The following SHISA6 variants were observed in gnomAD, a reference collection of about 807,000 sequenced individuals.
SHISA6 encodes the protein protein shisa-6.
SHISA6 carries 22 observed loss-of-function variants against 47.9 expected under a neutral mutation model. The observed-to-expected ratio is 0.46, with a 90% confidence interval of 0.33 to 0.66. The LOEUF (loss-of-function observed/expected upper bound fraction) is 0.66. Among genes scored for constraint, SHISA6 ranks in the 30% least tolerant of loss-of-function variants. The pLI, the probability that SHISA6 is intolerant of heterozygous loss-of-function variation, is 0.02. For synonymous variants in SHISA6, 388 were observed against 337.8 expected (o/e 1.15, Z -1.63); for missense variants, 680 against 764.6 (o/e 0.89, Z 1.30).
At chr17:11,422,122 G>A (rs1272603543) in intron 3 of SHISA6, among the ~76,000 whole-genome samples, 1 of 152,192 alleles carries the variant, frequency 6.6e-6, no homozygotes, top group Admixed American at 6.5e-5. Context: ...CAGATCCCAG[G>A]ATAGTAAGGC....
intron 3 of SHISA6, among the ~76,000 whole-genome samples, chr17:11,508,849 G>A (rs2071521135): frequency 7.2e-6 from 1 of 138,308 alleles, no homozygotes; most frequent in Non-Finnish European, 1.6e-5. Context: ...TCTACCAGTG[G>A]CAACCAATGA....
At chr17:11,491,668 G>C (rs1248969268) in intron 3 of SHISA6, among the ~76,000 whole-genome samples, 1 of 151,996 alleles carries the variant, frequency 6.6e-6, no homozygotes, top group Non-Finnish European at 1.5e-5. Flanking sequence ...AAAAGGCCTG[G>C]AAGAGCCCAT....
chr17:11,339,015 A>G (rs1465799277), intron 2 of SHISA6, among the ~76,000 whole-genome samples: 2 of 152,060 alleles, frequency 1.3e-5, no homozygotes, highest in Non-Finnish European at 1.5e-5. Flanking sequence ...GGAGTGTTCT[A>G]TGTGCCCAGC....
At chr17:11,327,464 A>T (rs1158565576) in intron 2 of SHISA6, among the ~76,000 whole-genome samples, 2 of 152,232 alleles carry the variant, frequency 1.3e-5, no homozygotes, top group African/African-American at 2.4e-5. Context: ...AAAGAAAAGC[A>T]TCTCTATCTA....
rs376694345 is a variant in SHISA6 at position 11,424,742 on chromosome 17, G to A, written c.895+45233G>A. ...AAACAGGCCAGGCAGGGTGGCTCAC[G>A]CCTGTAATCCCAGCACTTTGGGAGG... On this transcript the variant is annotated intron_variant, in intron 3 of 5. Transcript: ENST00000441885. Among the ~76,000 whole-genome samples, 7 of 151,972 alleles carry A rather than the reference G, an allele frequency of 4.6e-5. 1 individual carries two copies. Among genetic ancestry groups the A allele is most frequent in the East Asian group, 3.9e-4 (2 of 5,156 alleles).
At chr17:11,315,228 G>A (rs1192420240) in intron 2 of SHISA6, among the ~76,000 whole-genome samples, 1 of 152,032 alleles carries the variant, frequency 6.6e-6, no homozygotes, top group African/African-American at 2.4e-5. Context: ...TTAAATAAAT[G>A]GAGTTATTTT....
At chr17:11,549,943 C>T (rs189453113) in intron 3 of SHISA6, among the ~76,000 whole-genome samples, 1 of 152,142 alleles carries the variant, frequency 6.6e-6, no homozygotes, top group Admixed American at 6.5e-5. Flanking sequence ...CAATCTTTGG[C>T]AAACAGTTTC....
intron 2 of SHISA6, among the ~76,000 whole-genome samples, chr17:11,271,596 C>T (rs970214296): frequency 6.9e-6 from 1 of 145,862 alleles, no homozygotes; most frequent in African/African-American, 2.6e-5. Flanking sequence ...CACCACCACG[C>T]CTGGCTTTTT....
chr17:11,257,310 G>A (rs1003706995), intron 1 of SHISA6, among the ~76,000 whole-genome samples: 1 of 152,192 alleles, frequency 6.6e-6, no homozygotes, highest in Non-Finnish European at 1.5e-5. Context: ...TGTCCAGTAG[G>A]TAAGTGTGAG....
intron 3 of SHISA6, among the ~76,000 whole-genome samples, chr17:11,455,717 GA>G (rs1193334898): frequency 1.3e-4 from 20 of 152,294 alleles, no homozygotes; most frequent in Non-Finnish European, 1.5e-4. Flanking sequence ...AACCATGGGA[GA>G]GGGGTCACAT....
chr17:11,397,003 G>C (rs1428605018), intron 3 of SHISA6, among the ~76,000 whole-genome samples: 1 of 152,088 alleles, frequency 6.6e-6, no homozygotes, highest in Non-Finnish European at 1.5e-5. Flanking sequence ...GGCTGGAAAC[G>C]GTTCTCCTAT....
intron 3 of SHISA6, among the ~76,000 whole-genome samples, chr17:11,447,356 A>G (rs1915265169): frequency 6.6e-6 from 1 of 152,200 alleles, no homozygotes; most frequent in Admixed American, 6.5e-5. Context: ...TTCCCAAAAT[A>G]CTATGGGGAA....
intron 3 of SHISA6, among the ~76,000 whole-genome samples, chr17:11,404,236 C>T (rs966452785): frequency 2.6e-5 from 4 of 152,168 alleles, no homozygotes; most frequent in African/African-American, 7.2e-5. Flanking sequence ...TTTATTCATT[C>T]GTTCAATCTG....
chr17:11,512,423 C>T (rs2071548656), intron 3 of SHISA6, among the ~76,000 whole-genome samples: 1 of 152,222 alleles, frequency 6.6e-6, no homozygotes, highest in African/African-American at 2.4e-5. Flanking sequence ...CTTCCACTCT[C>T]TGTGGTGAAT....
In SHISA6 at chr17:11,562,710, G is replaced by A. The variant is rs191494795; in HGVS notation, c.*4406G>A. 7.9e-5 allele frequency: 12 copies of A among 152,398 alleles called. No homozygotes were observed. Among genetic ancestry groups the A allele is most frequent in the African/African-American group, 2.9e-4 (12 of 41,556 alleles). The allele number at this position is 152,398 out of a possible 1,614,324, so 9.4% of individuals were successfully genotyped here. ...GTAAAATGAGGGGCTTTGACTAGAT[G>A]AGCTCTGAAGTTTCATCCAGCTCTT... is the stretch of plus-strand genomic sequence containing the variant. On this transcript the variant is annotated 3_prime_UTR_variant, in exon 6 of 6. Transcript: ENST00000441885.
At chr17:11,371,432 A>C (rs574036642) in intron 2 of SHISA6, among the ~76,000 whole-genome samples, 1 of 152,300 alleles carries the variant, frequency 6.6e-6, no homozygotes, top group Non-Finnish European at 1.5e-5. Flanking sequence ...ATGCAAGGTA[A>C]GAGGACCCCA....
chr17:11,305,234 A>G (rs1216342387), intron 2 of SHISA6, among the ~76,000 whole-genome samples: 1 of 152,252 alleles, frequency 6.6e-6, no homozygotes, highest in Non-Finnish European at 1.5e-5. Context: ...GCAAGCATTC[A>G]TGAAGCACCT....
intron 3 of SHISA6, among the ~76,000 whole-genome samples, chr17:11,493,217 C>A (rs2071380499): frequency 6.6e-6 from 1 of 151,462 alleles, no homozygotes; most frequent in Non-Finnish European, 1.5e-5. Context: ...AATGCAACTC[C>A]TTTTTTTTTC....
intron 2 of SHISA6, among the ~76,000 whole-genome samples, chr17:11,336,067 G>C (rs1206249558): frequency 6.6e-6 from 1 of 151,828 alleles, no homozygotes; most frequent in Non-Finnish European, 1.5e-5. Context: ...AAACTAGCTG[G>C]GCATGGTGGT....
Sources: allele counts gnomAD v4.1 joint callset (sites outside exome capture counted in the v4.1 genomes callset), GRCh38; gene constraint gnomAD v4.1.1; transcripts MANE v1.5; gene names NCBI Gene and HGNC (gene_info 2026-07-23, HGNC 2026-07-21).